The following NUP93 variants were observed in gnomAD, a reference collection of about 807,000 sequenced individuals.
NUP93 encodes the protein nuclear pore complex protein Nup93.
Under a neutral mutation model 107.8 loss-of-function variants are expected in NUP93, and 55 were observed. The observed-to-expected ratio is 0.51, with a 90% CI of 0.41 to 0.64. The LOEUF (loss-of-function observed/expected upper bound fraction) is 0.64, where lower values mean the gene tolerates loss of function less well. Ranked by LOEUF, NUP93 falls within the 30% of genes least tolerant of loss-of-function variation. The pLI, the probability that NUP93 is intolerant of heterozygous loss-of-function variation, is 0.00. For missense variants in NUP93, 937 were observed against 1,044.7 expected, an observed-to-expected ratio of 0.90 and a Z score of 1.42; for synonymous variants, 390 against 397.5, an observed-to-expected ratio of 0.98 and a Z score of 0.22.
intron 3 of NUP93, among the ~76,000 whole-genome samples, chr16:56,776,264 T>G (rs1229466183): frequency 1.3e-5 from 2 of 152,182 alleles, no homozygotes; most frequent in Non-Finnish European, 2.9e-5. Context: ...GTTGGATAAT[T>G]TTAATAAACC....
chr16:56,822,547 TTTC>T, intron 7 of NUP93, among the ~76,000 whole-genome samples: 1 of 118,920 alleles, frequency 8.4e-6, no homozygotes. Flanking sequence ...TTTTCTTTTC[TTTC>T]TTTCTTTTCT....
intron 8 of NUP93, among the ~76,000 whole-genome samples, chr16:56,824,785 G>C (rs535882981): frequency 4.1e-4 from 50 of 121,212 alleles, no homozygotes; most frequent in African/African-American, 1.2e-3. Flanking sequence ...AATTACATGA[G>C]AGCTACTGAA....
intron 1 of NUP93, among the ~76,000 whole-genome samples, chr16:56,747,109 C>T (rs1049541043): frequency 3.0e-4 from 45 of 151,970 alleles, no homozygotes; most frequent in African/African-American, 1.0e-3. Flanking sequence ...AGTGATTCTC[C>T]TGCCTCAGCT....
chr16:56,812,382 T>C (rs1274715994), intron 5 of NUP93, among the ~76,000 whole-genome samples: 1 of 152,194 alleles, frequency 6.6e-6, no homozygotes, highest in Admixed American at 6.5e-5. Context: ...CTCGCTCTAT[T>C]GCCCAGGCTG....
chr16:56,771,201 C>A (rs1329392624), intron 3 of NUP93, among the ~76,000 whole-genome samples: 2 of 152,202 alleles, frequency 1.3e-5, no homozygotes, highest in African/African-American at 4.8e-5. Context: ...TCATCATAAT[C>A]TTTTCATTTG....
chr16:56,781,908 G>A, intron 3 of NUP93: 3 of 985,346 alleles, frequency 3.0e-6, no homozygotes, highest in Non-Finnish European at 3.6e-6. Flanking sequence ...TGGTGATGCT[G>A]TGCTCCGGGG....
At chr16:56,761,203 G>A (rs1227075322) in intron 3 of NUP93, among the ~76,000 whole-genome samples, 6 of 152,238 alleles carry the variant, frequency 3.9e-5, no homozygotes, top group Admixed American at 6.5e-5. Context: ...GGGGAACTCC[G>A]TTTTATCAAT....
chr16:56,837,704 A>T lies in NUP93; in HGVS notation c.1996A>T (p.Met666Leu). ...ATCCAACAAGGAGAGGCTGAAGAAC[A>T]TGGCACTCTCCATTGCCGAACGGTA... ...PQSNKERLKN[M>L]ALSIAERYRA... Residue 666 changes from methionine to leucine, a missense_variant, in exon 18 of 22, where the codon ATG (methionine) becomes TTG (leucine). Physicochemically the swap from Met to Leu is conservative, Grantham distance 15 (BLOSUM62 2). Transcript: ENST00000308159. 1 of 1,613,994 alleles carries T rather than the reference A, an allele frequency of 6.2e-7. No individual in the cohort carries two copies. The highest frequency in any genetic ancestry group is 8.5e-7 in the Non-Finnish European group (1 of 1,179,890).
intron 5 of NUP93, among the ~76,000 whole-genome samples, chr16:56,818,367 CAG>C (rs1364721351): frequency 1.4e-4 from 21 of 152,180 alleles, no homozygotes; most frequent in African/African-American, 4.8e-4. Context: ...GAGATTCAAA[CAG>C]AATGTTGGAA....
Position 56,847,461 on chromosome 16 carries a change from G to A in NUP93, c.*2852G>A, listed in dbSNP as rs1261576205. 2 of 152,204 alleles carry A rather than the reference G, an allele frequency of 1.3e-5. No homozygotes were observed. Among genetic ancestry groups the A allele is most frequent in the African/African-American group, 4.8e-5 (2 of 41,452 alleles). 9.4% of individuals were successfully genotyped at this position (152,204 alleles called of 1,614,324 possible). A position where few individuals can be genotyped will look rare whatever the true frequency, so the allele number is the denominator to read the frequency against. On this transcript the variant is annotated 3_prime_UTR_variant, in exon 22 of 22. Coordinates refer to ENST00000308159, the MANE Select transcript of NUP93 (RefSeq NM_014669.5). ...ACTAGGCGTCTTGTCTTCCAGATGT[G>A]AGATTTCGATCTTTCTAATGAAATT...
Position 56,764,685 on chromosome 16 carries a change from C to T in NUP93, c.297+6030C>T, listed in dbSNP as rs193017257. 1.5e-4 allele frequency among the ~76,000 whole-genome samples: 23 copies of T among 152,144 alleles called. 1 individual carries two copies. The South Asian group carries it at 3.7e-3, about 25-fold the overall frequency. ...CAAGTAGTTGGTTGGGAACAGGTTG[C>T]GGAAATCCTGTGGCAGTTTGTTGGA... On this transcript the variant is annotated intron_variant, in intron 3 of 21. Transcript: ENST00000308159.
At chr16:56,833,659 G>C (rs925369082) in intron 13 of NUP93, among the ~76,000 whole-genome samples, 3 of 145,564 alleles carry the variant, frequency 2.1e-5, no homozygotes, top group Admixed American at 7.4e-5. Flanking sequence ...TGGCCAGTCT[G>C]ATTGCCTGGA....
At chr16:56,820,530 T>G (rs1382851760) in intron 6 of NUP93, among the ~76,000 whole-genome samples, 1 of 152,342 alleles carries the variant, frequency 6.6e-6, no homozygotes, top group South Asian at 2.1e-4. Flanking sequence ...TTGGCTAGGC[T>G]GGTCTTGAAC....
intron 5 of NUP93, among the ~76,000 whole-genome samples, chr16:56,810,345 C>T (rs1484418839): frequency 1.3e-5 from 2 of 152,170 alleles, no homozygotes; most frequent in African/African-American, 4.8e-5. Flanking sequence ...GTATGCAACT[C>T]AGGCTGAGTG....
chr16:56,804,089 G>A (rs1963080362), intron 4 of NUP93, among the ~76,000 whole-genome samples: 1 of 152,120 alleles, frequency 6.6e-6, no homozygotes, highest in African/African-American at 2.4e-5. Flanking sequence ...AGGATGTAGA[G>A]AAATTGAAAC....
intron 3 of NUP93, among the ~76,000 whole-genome samples, chr16:56,793,555 T>C (rs1460239945): frequency 6.6e-6 from 1 of 151,994 alleles, no homozygotes; most frequent in Non-Finnish European, 1.5e-5. Context: ...GTACATCTCC[T>C]GGGTGAGGCA....
intron 3 of NUP93, among the ~76,000 whole-genome samples, chr16:56,774,951 G>A (rs1197811982): frequency 2.0e-5 from 3 of 150,952 alleles, no homozygotes; most frequent in African/African-American, 7.3e-5. Flanking sequence ...CCAGGCTGGA[G>A]TGCAGTGGTG....
chr16:56,801,872 A>G (rs1282331253), intron 4 of NUP93, among the ~76,000 whole-genome samples: 2 of 152,174 alleles, frequency 1.3e-5, no homozygotes, highest in East Asian at 1.9e-4. Flanking sequence ...AGGCAGCCCA[A>G]TTAACAGGGA....
intron 5 of NUP93, among the ~76,000 whole-genome samples, chr16:56,808,127 TATAA>T (rs1963189415): frequency 8.7e-6 from 1 of 115,352 alleles, no homozygotes; most frequent in African/African-American, 3.4e-5. Flanking sequence ...TATATAACTA[TATAA>T]ATATATTTAT....
Sources: allele counts gnomAD v4.1 joint callset (sites outside exome capture counted in the v4.1 genomes callset), GRCh38; gene constraint gnomAD v4.1.1; transcripts MANE v1.5; gene names NCBI Gene and HGNC (gene_info 2026-07-23, HGNC 2026-07-21).